Variants in RRP1 observed in about 807,000 individuals in gnomAD.
The protein encoded by RRP1 is ribosomal RNA processing protein 1 homolog A.
A neutral mutation model predicts 54.6 loss-of-function variants in RRP1; 37 were observed. The ratio of observed to expected loss-of-function variants is 0.68; its 90% CI spans 0.52 to 0.89. RRP1 has a LOEUF of 0.89. RRP1 is among the 40% of genes least tolerant of loss of function. RRP1 has a pLI of 0.00. For synonymous variants in RRP1, 262 were observed against 244.3 expected, an observed-to-expected ratio of 1.07 and a Z score of -0.67; for missense variants, 639 against 612.5, an observed-to-expected ratio of 1.04 and a Z score of -0.46.
At chr21:43,790,653 T>G in intron 1 of RRP1, 1 of 212,156 alleles carries the variant, frequency 4.7e-6, no homozygotes, top group Non-Finnish European at 9.7e-6. Context: ...ATTGGCACGA[T>G]TACAGCTCAC....
chr21:43,795,027 C>T lies in RRP1; in HGVS notation c.361-162C>T, dbSNP rs149967584. On this transcript the variant is annotated intron_variant, in intron 4 of 12. Coordinates refer to ENST00000497547, the MANE Select transcript of RRP1 (RefSeq NM_003683.6). ...GAGGGCTTGGTGGTGTGTCCTCCAG[C>T]GTCTGTCTGTCAGCAGCTCTGGGGG... 1.1e-4 allele frequency among the ~76,000 whole-genome samples: 16 copies of T among 152,344 alleles called. No homozygotes were observed. In the East Asian group the frequency reaches 1.5e-3, roughly 15 times the overall value.
chr21:43,797,466 A>AC lies in RRP1; in HGVS notation c.471dup (p.Ser158GlnfsTer62). ...GAGCTGCTGATGACTGAGATCCTGC[A>AC]CCCCAGCAGCCAGGCCCCCAACGGT... On this transcript the variant is annotated frameshift_variant, in exon 6 of 13. Coordinates refer to ENST00000497547, the MANE Select transcript of RRP1 (RefSeq NM_003683.6). LOFTEE classifies it high-confidence loss of function. The AC allele has an allele frequency of 6.2e-7, 1 of 1,613,356 alleles. No homozygotes were observed. The highest frequency in any genetic ancestry group is 8.5e-7 in the Non-Finnish European group (1 of 1,179,964).
rs56030429 is a variant in RRP1 at position 43,800,356 on chromosome 21, G to T, written c.892-161G>T. Among the ~76,000 whole-genome samples the T allele has an allele frequency of 4.3e-3, 648 of 152,308 alleles. 8 individuals carry two copies. The highest frequency in any genetic ancestry group is 0.015 in the African/African-American group (626 of 41,552). The stretch of plus-strand genomic sequence containing the variant: ...GTGCCCGCTGTGCTGTAGAGTGGGT[G>T]GAGCTGCAGGACCCTCAGTGAGGGT... On this transcript the variant is annotated intron_variant, in intron 9 of 12. Transcript: ENST00000497547.
chr21:43,799,297 C>T (rs899154623), intron 8 of RRP1, among the ~76,000 whole-genome samples: 1 of 151,748 alleles, frequency 6.6e-6, no homozygotes. Context: ...CCTGGGACAT[C>T]TTTTTTTCCT....
rs577269934 is a variant in RRP1 at position 43,796,083 on chromosome 21, G to C, written c.422+833G>C. Among the ~76,000 whole-genome samples the C allele has an allele frequency of 3.3e-5, 5 of 152,080 alleles. No homozygotes were observed. The South Asian group carries it at 1.0e-3, about 32-fold the overall frequency. Reference sequence around the variant, plus strand: ...GGAGTTTGAGGCTGCAGTGATCTGTGACTGAGCCACTGCACTCTAGCCTAG... The same window carrying C: ...GGAGTTTGAGGCTGCAGTGATCTGTCACTGAGCCACTGCACTCTAGCCTAG... On this transcript the variant is annotated intron_variant, in intron 5 of 12. Coordinates refer to ENST00000497547, the MANE Select transcript of RRP1 (RefSeq NM_003683.6).
At chr21:43,800,798 TG>T in intron 10 of RRP1, 63 bp from the exon 11 acceptor site, 1 of 1,606,988 alleles carries the variant, frequency 6.2e-7, no homozygotes, top group Non-Finnish European at 8.5e-7. Flanking sequence ...CCGCTCTAGC[TG>T]GAGCTTCCTC....
At chr21:43,798,552 C>G (rs1236655271) in intron 8 of RRP1, among the ~76,000 whole-genome samples, 2 of 152,140 alleles carry the variant, frequency 1.3e-5, no homozygotes, top group African/African-American at 4.8e-5. Flanking sequence ...GTTCCTCGTT[C>G]CTGGCCCGTC....
chr21:43,794,059 A>T (rs537173040), intron 4 of RRP1, among the ~76,000 whole-genome samples: 3 of 151,992 alleles, frequency 2.0e-5, no homozygotes, highest in Non-Finnish European at 4.4e-5. Flanking sequence ...CGGTCACCCA[A>T]TGGGGACACT....
At chr21:43,789,842 G>C in intron 1 of RRP1, 80 bp downstream of exon 1, 1 of 1,399,440 alleles carries the variant, frequency 7.1e-7, no homozygotes. Context: ...CCGGAGCTGG[G>C]GGCCCTCCGA....
rs376975709 is a variant in RRP1 at position 43,797,949 on chromosome 21, G to A, written c.660G>A (p.Thr220=). The A allele has an allele frequency of 1.4e-5, 22 of 1,614,066 alleles. No individual in the cohort carries two copies. Among genetic ancestry groups the A allele is most frequent in the Admixed American group, 3.3e-5 (2 of 59,998 alleles). The change falls in exon 8 of 13, where the codon ACG becomes ACA. Residue 220 remains threonine (T), a synonymous_variant. Transcript: ENST00000497547. The part of the protein sequence containing the change: ...LNNITRGIFE[T]IVEQAPLAIE... ...ACATCACTCGAGGCATCTTTGAGAC[G>A]ATTGTGGAGCAGGCCCCGCTTGCCA...
At chr21:43,802,700 G>A (rs1021715462) in intron 12 of RRP1, among the ~76,000 whole-genome samples, 3 of 152,224 alleles carry the variant, frequency 2.0e-5, no homozygotes, top group Non-Finnish European at 2.9e-5. Flanking sequence ...TCCAAGCCCC[G>A]TCCGCTCCTC....
At chr21:43,803,107 CG>C (rs2085110213) in intron 12 of RRP1, among the ~76,000 whole-genome samples, 1 of 152,258 alleles carries the variant, frequency 6.6e-6, no homozygotes, top group Admixed American at 6.5e-5. Context: ...CCATTGAAGC[CG>C]TCCATCTCAT....
chr21:43,799,187 C>T (rs866148490), intron 8 of RRP1, among the ~76,000 whole-genome samples: 1 of 152,142 alleles, frequency 6.6e-6, no homozygotes, highest in African/African-American at 2.4e-5. Flanking sequence ...CTGGACCAGG[C>T]CACCCTGAGG....
Position 43,803,919 on chromosome 21 carries a change from TG to T in RRP1, c.*148del. 1.0e-6 allele frequency: 1 copy of T among 998,966 alleles called. No individual in the cohort carries two copies. The highest frequency in any genetic ancestry group is 1.4e-6 in the Non-Finnish European group (1 of 702,672). The allele number at this position is 998,966 out of a possible 1,614,324, so 61.9% of individuals were successfully genotyped here. On this transcript the variant is annotated 3_prime_UTR_variant, in exon 13 of 13. Transcript: ENST00000497547. Reference sequence around the variant, plus strand: ...GGAGGGAAGGGCGGCACTGGAGAGATGGGCCCATCATTAGGGGCCAGCATCC... The same window carrying T: ...GGAGGGAAGGGCGGCACTGGAGAGATGGCCCATCATTAGGGGCCAGCATCC...
At position 43,793,378 on chromosome 21, in the gene RRP1, A is replaced by T; in HGVS notation, c.334A>T (p.Arg112Trp). 6.2e-7 allele frequency: 1 copy of T among 1,613,900 alleles called. No homozygotes were observed. Among genetic ancestry groups the T allele is most frequent in the Non-Finnish European group, 8.5e-7 (1 of 1,180,014 alleles). ...GAATCGCGAGTGGACGGGCATTGAC[A>T]GGCTGCGCCTGGATAAATTCTACAT... is the stretch of plus-strand genomic sequence containing the variant. The part of the protein sequence containing the change: ...TMNREWTGID[R>W]LRLDKFYMLM... Residue 112 changes from arginine to tryptophan, a missense_variant, in exon 4 of 13, where the codon AGG (arginine) becomes TGG (tryptophan). Transcript: ENST00000497547.
intron 7 of RRP1, 102 bp downstream of exon 7, chr21:43,797,797 A>G: frequency 1.9e-6 from 3 of 1,570,102 alleles, no homozygotes; most frequent in Non-Finnish European, 2.6e-6. Flanking sequence ...AATCTGTCTC[A>G]GAGTGGCCGC....
chr21:43,798,682 C>G (rs999082757), intron 8 of RRP1, among the ~76,000 whole-genome samples: 2 of 152,178 alleles, frequency 1.3e-5, no homozygotes, highest in African/African-American at 4.8e-5. Flanking sequence ...TCACCTGCCC[C>G]TCACTGCCTG....
chr21:43,795,473 C>T (rs971709936), intron 5 of RRP1, among the ~76,000 whole-genome samples: 2 of 152,168 alleles, frequency 1.3e-5, no homozygotes, highest in African/African-American at 4.8e-5. Flanking sequence ...CACTGGGAGT[C>T]AGAAGGGAGT....
At chr21:43,801,017 C>A in intron 11 of RRP1, 136 bp downstream of exon 11, 1 of 935,162 alleles carries the variant, frequency 1.1e-6, no homozygotes. Flanking sequence ...TTCTGAGGGA[C>A]AGGGAGGCAG....
Sources: gnomAD v4.1 joint callset for allele counts (sites outside exome capture counted in the v4.1 genomes callset) on GRCh38, gnomAD v4.1.1 for gene constraint, MANE v1.5 for transcripts, NCBI Gene and HGNC (gene_info 2026-07-23, HGNC 2026-07-21) for gene names.